Variants in ARHGEF3 observed in about 807,000 individuals in gnomAD.
ARHGEF3 encodes the protein Rho guanine nucleotide exchange factor 3.
ARHGEF3 carries 28 observed loss-of-function variants against 63.2 expected under a neutral mutation model. The observed-to-expected ratio is 0.44, with a 90% CI of 0.33 to 0.61. The LOEUF is 0.61. Among genes scored for constraint, ARHGEF3 ranks in the 20% least tolerant of loss-of-function variants. The probability of loss-of-function intolerance (pLI) is 0.03; values close to 1 mark genes in which losing one functional copy is unlikely to be tolerated. For missense variants in ARHGEF3, 533 were observed against 659.3 expected, an observed-to-expected ratio of 0.81 and a Z score of 2.10; for synonymous variants, 266 against 254.2, an observed-to-expected ratio of 1.05 and a Z score of -0.44.
rs1578924835 is a variant in ARHGEF3, at chr3:56,949,344, C to G, written c.129+9479G>C. ...AGGAAAAGAGGAAGTCAAATTGTCC[C>G]TGTTTGCAGATGACATGATTGTATA... On this transcript the variant is annotated intron_variant, in intron 3 of 12. Transcript: ENST00000338458. Among the ~76,000 whole-genome samples the G allele has an allele frequency of 4.6e-5, 7 of 151,906 alleles. 1 individual carries two copies. Among genetic ancestry groups the G allele is most frequent in the Admixed American group, 4.6e-4 (7 of 15,238 alleles).
intron 3 of ARHGEF3, among the ~76,000 whole-genome samples, chr3:56,947,060 A>T (rs1314514771): frequency 1.3e-5 from 2 of 152,310 alleles, no homozygotes; most frequent in Non-Finnish European, 2.9e-5. Flanking sequence ...TAAAATCCTT[A>T]ACAGACAAGC....
At chr3:56,734,602 A>C (rs2107692364) in intron 8 of ARHGEF3, among the ~76,000 whole-genome samples, 1 of 152,330 alleles carries the variant, frequency 6.6e-6, no homozygotes, top group Non-Finnish European at 1.5e-5. Flanking sequence ...GAACTGAATT[A>C]AAAACTTCAG....
chr3:56,915,579 G>A (rs2041966796), intron 3 of ARHGEF3, among the ~76,000 whole-genome samples: 1 of 152,040 alleles, frequency 6.6e-6, no homozygotes, highest in Non-Finnish European at 1.5e-5. Context: ...AACCTTCAGA[G>A]CTCCTAACCA....
At chr3:56,875,644 T>G (rs2040562982) in intron 4 of ARHGEF3, among the ~76,000 whole-genome samples, 1 of 152,250 alleles carries the variant, frequency 6.6e-6, no homozygotes, top group Non-Finnish European at 1.5e-5. Flanking sequence ...CTGCCTTAAA[T>G]TTTAAAAATT....
At chr3:56,793,947 A>G (rs944173722) in intron 1 of ARHGEF3, among the ~76,000 whole-genome samples, 7 of 152,224 alleles carry the variant, frequency 4.6e-5, no homozygotes, top group Admixed American at 4.6e-4. Flanking sequence ...ATCATACAGT[A>G]TCCTTGCACT....
intron 2 of ARHGEF3, among the ~76,000 whole-genome samples, chr3:57,004,249 T>C (rs1049353151): frequency 1.3e-5 from 2 of 152,210 alleles, no homozygotes; most frequent in African/African-American, 2.4e-5. Flanking sequence ...AGGGAGATAA[T>C]GACAGTCTGG....
chr3:56,971,580 G>A (rs746004627), intron 2 of ARHGEF3, among the ~76,000 whole-genome samples: 6 of 151,248 alleles, frequency 4.0e-5, no homozygotes, highest in Admixed American at 1.3e-4. Context: ...GGCCGGGCGC[G>A]GTGGCTCACG....
At position 56,893,811 on chromosome 3, in the gene ARHGEF3, C is replaced by CAAAA. The variant is rs537483698; in HGVS notation, c.130-11461_130-11458dup. On this transcript the variant is annotated intron_variant, in intron 3 of 12. Transcript: ENST00000338458. ...ACAGAGCAAGAACAAGACTCTGTCTCAAAAAAAAAAAAAAAAAAAAAAAAA... is the reference window on the plus strand; with the variant it reads ...ACAGAGCAAGAACAAGACTCTGTCTCAAAAAAAAAAAAAAAAAAAAAAAAAAAAA... Among the ~76,000 whole-genome samples, 34 of 79,552 alleles carry CAAAA rather than the reference C, an allele frequency of 4.3e-4. 1 individual carries two copies. The highest frequency in any genetic ancestry group is 5.3e-4 in the African/African-American group (14 of 26,286). 52.2% of individuals were successfully genotyped at this position (79,552 alleles called of 152,430 possible).
intron 1 of ARHGEF3, chr3:57,073,337 T>C (rs1706038185): frequency 4.8e-6 from 1 of 208,310 alleles, no homozygotes. Context: ...AATAAGAATA[T>C]AATCAGGATT....
chr3:57,035,932 T>C (rs957780351), intron 1 of ARHGEF3, among the ~76,000 whole-genome samples: 18 of 152,314 alleles, frequency 1.2e-4, no homozygotes, highest in Non-Finnish European at 2.5e-4. Flanking sequence ...CTTTGTTCTT[T>C]AAGTCATTGT....
At chr3:57,013,921 C>G (rs540361288) in intron 2 of ARHGEF3, among the ~76,000 whole-genome samples, 1 of 152,310 alleles carries the variant, frequency 6.6e-6, no homozygotes, top group African/African-American at 2.4e-5. Flanking sequence ...GAGCCAGCAG[C>G]GGCAACTCTT....
chr3:56,967,883 AAT>A (rs1700645580), intron 2 of ARHGEF3, among the ~76,000 whole-genome samples: 1 of 72,300 alleles, frequency 1.4e-5, no homozygotes, highest in Non-Finnish European at 2.3e-5. Context: ...ATATAATATA[AAT>A]ATATAATATA....
chr3:56,923,417 A>T (rs1384962713), intron 3 of ARHGEF3, among the ~76,000 whole-genome samples: 1 of 151,822 alleles, frequency 6.6e-6, no homozygotes, highest in Admixed American at 6.6e-5. Flanking sequence ...TTTTCCTCCT[A>T]GCAAATTGAA....
intron 1 of ARHGEF3, among the ~76,000 whole-genome samples, chr3:57,066,050 AAACC>A (rs2107370420): frequency 1.1e-5 from 1 of 93,012 alleles, no homozygotes; most frequent in African/African-American, 3.9e-5. Context: ...CAAAAAAAAA[AAACC>A]CTAAAATGTA....
At chr3:56,848,664 T>A (rs2039569797) in intron 4 of ARHGEF3, among the ~76,000 whole-genome samples, 1 of 152,208 alleles carries the variant, frequency 6.6e-6, no homozygotes, top group East Asian at 1.9e-4. Flanking sequence ...CCACTAAGAC[T>A]TTATTTGTTT....
intron 2 of ARHGEF3, among the ~76,000 whole-genome samples, chr3:56,964,350 CAAAAAAAAAAAAAA>C (rs11347724): frequency 9.9e-5 from 10 of 101,140 alleles, no homozygotes; most frequent in Non-Finnish European, 1.6e-4. Context: ...AAGACTGTCT[CAAAAAAAAAAAAAA>C]AAAAAAAATC....
chr3:56,989,983 G>A (rs1194337926), intron 2 of ARHGEF3, among the ~76,000 whole-genome samples: 1 of 152,188 alleles, frequency 6.6e-6, no homozygotes, highest in Non-Finnish European at 1.5e-5. Context: ...TGAGGGAGCT[G>A]ATCTCCCCGA....
intron 7 of ARHGEF3, among the ~76,000 whole-genome samples, chr3:56,743,801 T>C (rs1245202591): frequency 6.6e-6 from 1 of 152,150 alleles, no homozygotes; most frequent in African/African-American, 2.4e-5. Context: ...AATGGTCTGC[T>C]AGCCTCTATC....
At chr3:57,043,320 T>C (rs1371219209) in intron 1 of ARHGEF3, among the ~76,000 whole-genome samples, 1 of 151,996 alleles carries the variant, frequency 6.6e-6, no homozygotes, top group African/African-American at 2.4e-5. Flanking sequence ...TTTCACCACG[T>C]TGATTAGGCT....
Sources: gnomAD v4.1 joint callset for allele counts (sites outside exome capture counted in the v4.1 genomes callset) on GRCh38, gnomAD v4.1.1 for gene constraint, MANE v1.5 for transcripts, NCBI Gene and HGNC (gene_info 2026-07-23, HGNC 2026-07-21) for gene names.